The following DGKB variants were observed in gnomAD, a reference collection of about 807,000 sequenced individuals.
DGKB encodes the protein diacylglycerol kinase beta.
A neutral mutation model predicts 114.3 loss-of-function variants in DGKB; 67 were observed. That is an observed-to-expected ratio of 0.59 (90% CI 0.48 to 0.72). The LOEUF (loss-of-function observed/expected upper bound fraction) is 0.72, where lower values mean the gene tolerates loss of function less well. Ranked by LOEUF, DGKB falls within the 30% of genes least tolerant of loss-of-function variation. The probability of loss-of-function intolerance (pLI) is 0.00; values close to 1 mark genes in which losing one functional copy is unlikely to be tolerated. For missense variants in DGKB, 907 were observed against 975.2 expected, an observed-to-expected ratio of 0.93 and a Z score of 0.93; for synonymous variants, 398 against 323.1, an observed-to-expected ratio of 1.23 and a Z score of -2.49.
chr7:14,858,818 T>C (rs1413608022), intron 1 of DGKB, among the ~76,000 whole-genome samples: 1 of 152,108 alleles, frequency 6.6e-6, no homozygotes, highest in Non-Finnish European at 1.5e-5. Context: ...CAAAACAGAT[T>C]ACAGATATTC....
intron 17 of DGKB, among the ~76,000 whole-genome samples, chr7:14,585,503 G>A (rs1800607700): frequency 6.6e-6 from 1 of 152,168 alleles, no homozygotes; most frequent in South Asian, 2.1e-4. Flanking sequence ...ACGTGTAGCT[G>A]AAGTTCTTTC....
intron 21 of DGKB, among the ~76,000 whole-genome samples, chr7:14,352,507 A>C (rs79774110): frequency 7.1e-5 from 10 of 141,342 alleles, no homozygotes; most frequent in African/African-American, 2.7e-4. Flanking sequence ...AGAGTCATAC[A>C]AAAACGTACA....
chr7:14,857,258 T>TGTGTGTGTGTGTG (rs1850297654), intron 1 of DGKB, among the ~76,000 whole-genome samples: 13 of 138,262 alleles, frequency 9.4e-5, no homozygotes, highest in Admixed American at 3.6e-4. Context: ...CTGTGTGTGT[T>TGTGTGTGTGTGTG]TGTGTGTGTG....
chr7:14,798,804 A>G (rs1248701501), intron 2 of DGKB, among the ~76,000 whole-genome samples: 1 of 152,212 alleles, frequency 6.6e-6, no homozygotes, highest in African/African-American at 2.4e-5. Flanking sequence ...CCAGTTCCAG[A>G]ATGCCTAATT....
chr7:14,244,669 C>CAAAAAA (rs34364672), intron 23 of DGKB, among the ~76,000 whole-genome samples: 2 of 46,394 alleles, frequency 4.3e-5, no homozygotes, highest in African/African-American at 8.3e-5. Flanking sequence ...GACTCTGTCT[C>CAAAAAA]AAAAAAAAAA....
chr7:14,556,546 C>T (rs1795902142), intron 20 of DGKB, among the ~76,000 whole-genome samples: 2 of 152,000 alleles, frequency 1.3e-5, no homozygotes, highest in African/African-American at 4.8e-5. Flanking sequence ...ATCCCCTATG[C>T]CCCTATACGT....
intron 1 of DGKB, among the ~76,000 whole-genome samples, chr7:14,846,648 A>G (rs1848662187): frequency 6.6e-6 from 1 of 152,182 alleles, no homozygotes; most frequent in African/African-American, 2.4e-5. Context: ...TAGGCACATA[A>G]AATGAGTGTC....
intron 21 of DGKB, among the ~76,000 whole-genome samples, chr7:14,393,968 T>C (rs73679721): frequency 1.6e-3 from 247 of 152,186 alleles, no homozygotes; most frequent in African/African-American, 5.5e-3. Context: ...CATGGCTGTA[T>C]GGTGAATTTT....
At chr7:14,476,755 A>T (rs1264375191) in intron 21 of DGKB, among the ~76,000 whole-genome samples, 9 of 135,382 alleles carry the variant, frequency 6.6e-5, no homozygotes, top group African/African-American at 1.1e-4. Context: ...TACTAAAAAC[A>T]TTTTTTTTTT....
intron 5 of DGKB, among the ~76,000 whole-genome samples, chr7:14,727,121 A>T (rs1045855405): frequency 6.6e-6 from 1 of 152,216 alleles, no homozygotes; most frequent in Non-Finnish European, 1.5e-5. Context: ...TGTTAAGACA[A>T]CACTATTATT....
chr7:14,177,944 A>G, intron 24 of DGKB, 87 bp downstream of exon 24: 1 of 1,351,698 alleles, frequency 7.4e-7, no homozygotes. Context: ...AAAGAAGACA[A>G]TGTTACTATC....
chr7:14,821,990 T>C (rs1201255290), intron 2 of DGKB, among the ~76,000 whole-genome samples: 1 of 152,128 alleles, frequency 6.6e-6, no homozygotes, highest in Non-Finnish European at 1.5e-5. Flanking sequence ...TAAGGTTGAG[T>C]CATAACTTTA....
intron 21 of DGKB, among the ~76,000 whole-genome samples, chr7:14,445,415 T>C (rs1305804640): frequency 6.6e-6 from 1 of 151,968 alleles, no homozygotes; most frequent in Non-Finnish European, 1.5e-5. Flanking sequence ...CAAATAGAAC[T>C]ATCCCCCAAA....
At chr7:14,630,629 T>A (rs886665530) in intron 13 of DGKB, among the ~76,000 whole-genome samples, 26 of 152,044 alleles carry the variant, frequency 1.7e-4, no homozygotes, top group Non-Finnish European at 1.5e-5. Context: ...AATTTTCATT[T>A]TGAAGTCCAA....
intron 23 of DGKB, among the ~76,000 whole-genome samples, chr7:14,279,458 A>G (rs970217223): frequency 6.6e-6 from 1 of 152,250 alleles, no homozygotes; most frequent in East Asian, 1.9e-4. Flanking sequence ...GACAGCAGTA[A>G]CCTCTGCAGA....
At chr7:14,186,593 C>A (rs566207478) in intron 23 of DGKB, among the ~76,000 whole-genome samples, 1 of 152,314 alleles carries the variant, frequency 6.6e-6, no homozygotes, top group African/African-American at 2.4e-5. Flanking sequence ...GCACAATTCA[C>A]AATTGCAAAA....
intron 4 of DGKB, among the ~76,000 whole-genome samples, chr7:14,748,106 T>A (rs2128426150): frequency 6.6e-6 from 1 of 152,260 alleles, no homozygotes; most frequent in Non-Finnish European, 1.5e-5. Context: ...CTTTTGGTAG[T>A]TTTGGGTTGT....
intron 1 of DGKB, among the ~76,000 whole-genome samples, chr7:14,880,739 G>C (rs966359158): frequency 6.6e-6 from 1 of 152,088 alleles, no homozygotes; most frequent in Non-Finnish European, 1.5e-5. Context: ...CAAAACTAAC[G>C]ACGTCTCTAG....
intron 24 of DGKB, 97 bp from the exon 25 acceptor site, chr7:14,176,996 T>C: frequency 1.5e-6 from 2 of 1,372,460 alleles, no homozygotes; most frequent in Non-Finnish European, 2.0e-6. Context: ...GAAGGCAATA[T>C]GGTAATAGTT....
Sources: allele counts gnomAD v4.1 joint callset (sites outside exome capture counted in the v4.1 genomes callset), GRCh38; gene constraint gnomAD v4.1.1; transcripts MANE v1.5; gene names NCBI Gene and HGNC (gene_info 2026-07-23, HGNC 2026-07-21).